ZNF536: variants seen among roughly 807,000 people sequenced by gnomAD.
The protein encoded by ZNF536 is zinc finger protein 536.
In ZNF536, 13 loss-of-function variants were observed where a neutral mutation model predicts 84.5. The ratio of observed to expected loss-of-function variants is 0.15; its 90% CI spans 0.10 to 0.24. ZNF536 has a LOEUF of 0.24. ZNF536 is among the 10% of genes least tolerant of loss of function. The pLI, the probability that ZNF536 is intolerant of heterozygous loss-of-function variation, is 1.00. For missense variants in ZNF536, 1,536 were observed against 1,747.5 expected (o/e 0.88, Z 2.16); for synonymous variants, 811 against 742.5 (o/e 1.09, Z -1.50).
intron 2 of ZNF536, among the ~76,000 whole-genome samples, chr19:30,477,211 T>C (rs951750574): frequency 6.6e-6 from 1 of 152,206 alleles, no homozygotes; most frequent in African/African-American, 2.4e-5. Flanking sequence ...CCCTTATGTA[T>C]TTAACTATTT....
intron 3 of ZNF536, among the ~76,000 whole-genome samples, chr19:30,545,596 A>G (rs1271567595): frequency 6.6e-6 from 1 of 151,704 alleles, no homozygotes; most frequent in Non-Finnish European, 1.5e-5. Flanking sequence ...ACGGGGTTTC[A>G]TCATGTTAGC....
intron 1 of ZNF536, among the ~76,000 whole-genome samples, chr19:30,595,750 G>A (rs2047441268): frequency 6.6e-6 from 1 of 152,208 alleles, no homozygotes; most frequent in Admixed American, 6.5e-5. Flanking sequence ...AGTTCTAGTT[G>A]GGTGGGCCCA....
chr19:30,234,769 A>ACG (rs1295065393), intron 1 of ZNF536, among the ~76,000 whole-genome samples: 59 of 145,296 alleles, frequency 4.1e-4, no homozygotes, highest in Middle Eastern at 3.6e-3. Context: ...ACACACACAC[A>ACG]CACACGCGCA....
intron 1 of ZNF536, among the ~76,000 whole-genome samples, chr19:30,623,439 G>A (rs1238724447): frequency 6.6e-6 from 1 of 152,208 alleles, no homozygotes; most frequent in East Asian, 1.9e-4. Flanking sequence ...CAATCCCCAT[G>A]CAATCTGGCT....
intron 1 of ZNF536, among the ~76,000 whole-genome samples, chr19:30,671,669 A>G (rs532689821): frequency 6.6e-6 from 1 of 152,136 alleles, no homozygotes. Context: ...CTGCAGTGAC[A>G]TGGGGATATG....
At chr19:30,545,097 C>T (rs908826160) in intron 3 of ZNF536, among the ~76,000 whole-genome samples, 8 of 152,188 alleles carry the variant, frequency 5.3e-5, no homozygotes, top group African/African-American at 1.4e-4. Context: ...CGAAAGATCC[C>T]GAAACCAAGT....
rs1203081665 is a variant in ZNF536 at position 30,458,456 on chromosome 19, T to TG, written c.2170+12724_2170+12725insG. Among the ~76,000 whole-genome samples, 27 of 144,898 alleles carry TG rather than the reference T, an allele frequency of 1.9e-4. No individual in the cohort carries two copies. In the South Asian group the frequency reaches 2.7e-3, roughly 14 times the overall value. On this transcript the variant is annotated intron_variant, in intron 2 of 4. Coordinates refer to ENST00000355537, the MANE Select transcript of ZNF536 (RefSeq NM_014717.3). The stretch of plus-strand genomic sequence containing the variant: ...TCCTCAATTTCCTGCTGTTTTTTTT[T>TG]TTTTTTTTTTTTTTGACCGAGTTTC...
chr19:30,465,784 T>C (rs1023936639), intron 2 of ZNF536, among the ~76,000 whole-genome samples: 5 of 152,082 alleles, frequency 3.3e-5, no homozygotes, highest in Non-Finnish European at 7.4e-5. Flanking sequence ...GGAGTCTTGC[T>C]CTGTTGCCCA....
At chr19:30,489,667 T>C (rs1223008086) in intron 2 of ZNF536, among the ~76,000 whole-genome samples, 1 of 152,120 alleles carries the variant, frequency 6.6e-6, no homozygotes, top group Non-Finnish European at 1.5e-5. Context: ...AAACTGTATG[T>C]AACTTGTTTT....
chr19:30,389,135 T>A (rs1441404071), intron 1 of ZNF536, among the ~76,000 whole-genome samples: 2 of 152,206 alleles, frequency 1.3e-5, no homozygotes, highest in Non-Finnish European at 2.9e-5. Flanking sequence ...ACCCCCCTAG[T>A]GTGAGTTCAC....
intron 1 of ZNF536, among the ~76,000 whole-genome samples, chr19:30,244,825 GTGGT>G (rs1277894390): frequency 6.6e-5 from 10 of 152,216 alleles, no homozygotes; most frequent in Non-Finnish European, 1.5e-4. Flanking sequence ...GGGTTGCCTA[GTGGT>G]TTTTTGTTTT....
intron 2 of ZNF536, among the ~76,000 whole-genome samples, chr19:30,302,786 G>T (rs2046226175): frequency 6.6e-6 from 1 of 151,808 alleles, no homozygotes; most frequent in South Asian, 2.1e-4. Flanking sequence ...CCCCTCAACT[G>T]CCCCCAGGGC....
At chr19:30,375,858 T>C (rs111320163) in intron 1 of ZNF536, among the ~76,000 whole-genome samples, 10,058 of 152,160 alleles carry the variant, frequency 0.066, 1,116 homozygotes, top group African/African-American at 0.23. Context: ...TATGCGTGTG[T>C]GTGTGTAGGC....
At chr19:30,430,634 C>T (rs2051414541) in intron 1 of ZNF536, among the ~76,000 whole-genome samples, 2 of 152,162 alleles carry the variant, frequency 1.3e-5, no homozygotes, top group African/African-American at 4.8e-5. Context: ...GAGGAGTTCC[C>T]AACAGGGGAA....
chr19:30,534,813 G>A, intron 2 of ZNF536, 34 bp from the exon 3 acceptor site: 2 of 1,587,502 alleles, frequency 1.3e-6, no homozygotes, highest in Non-Finnish European at 1.7e-6. Flanking sequence ...GACATGTGCT[G>A]AAGTGATGTG....
chr19:30,384,123 TC>T (rs2049207415), intron 1 of ZNF536, among the ~76,000 whole-genome samples: 1 of 70,220 alleles, frequency 1.4e-5, no homozygotes, highest in Non-Finnish European at 2.9e-5. Flanking sequence ...TTTCTTTCTT[TC>T]TTTCTTTCTT....
chr19:30,365,251 C>G (rs2048389404), intron 3 of ZNF536, among the ~76,000 whole-genome samples: 1 of 152,142 alleles, frequency 6.6e-6, no homozygotes, highest in Non-Finnish European at 1.5e-5. Context: ...CTCTCTCTGT[C>G]TCTCTGATGC....
intron 1 of ZNF536, among the ~76,000 whole-genome samples, chr19:30,422,011 A>T (rs1158048540): frequency 6.6e-6 from 1 of 152,202 alleles, no homozygotes; most frequent in Non-Finnish European, 1.5e-5. Context: ...TGAATTAATT[A>T]AAAAAATATT....
chr19:30,658,325 C>A (rs954634809), intron 1 of ZNF536, among the ~76,000 whole-genome samples: 1 of 152,098 alleles, frequency 6.6e-6, no homozygotes, highest in Non-Finnish European at 1.5e-5. Flanking sequence ...CCTGGCCTTT[C>A]TGTTCCCGCT....
Sources: allele counts gnomAD v4.1 joint callset (sites outside exome capture counted in the v4.1 genomes callset), GRCh38; gene constraint gnomAD v4.1.1; transcripts MANE v1.5; gene names NCBI Gene and HGNC (gene_info 2026-07-23, HGNC 2026-07-21).